Variants in LINGO2 observed in about 807,000 individuals in gnomAD.
LINGO2 encodes leucine-rich repeat and immunoglobulin-like domain-containing nogo receptor-interacting protein 2.
LINGO2 carries 14 observed loss-of-function variants against 30.6 expected under a neutral mutation model. The ratio of observed to expected loss-of-function variants is 0.46; its 90% CI spans 0.30 to 0.72. The LOEUF (loss-of-function observed/expected upper bound fraction) is 0.72. LINGO2 is among the 30% of genes least tolerant of loss of function. The pLI is 0.07. For synonymous variants in LINGO2, 317 were observed against 288.5 expected, an observed-to-expected ratio of 1.10 and a Z score of -1.00; for missense variants, 729 against 751.7, an observed-to-expected ratio of 0.97 and a Z score of 0.35.
the LINGO2 span, among the ~76,000 whole-genome samples, chr9:28,894,074 C>T: frequency 6.6e-6 from 1 of 152,128 alleles, no homozygotes; most frequent in Non-Finnish European, 1.5e-5. Flanking sequence ...CTACAAAGGA[C>T]ATGAACTCAT....
At chr9:28,627,524 G>A (rs980052489) in intron 1 of LINGO2, among the ~76,000 whole-genome samples, 2 of 151,972 alleles carry the variant, frequency 1.3e-5, no homozygotes, top group African/African-American at 2.4e-5. Context: ...TATGGAAAAT[G>A]CCTCCAGACA....
chr9:28,984,326 A>G, the LINGO2 span, among the ~76,000 whole-genome samples: 1 of 152,108 alleles, frequency 6.6e-6, no homozygotes, highest in Non-Finnish European at 1.5e-5. Flanking sequence ...CCATAGTGGC[A>G]TAAACTTCTA....
chr9:28,236,577 C>A (rs924179432), intron 4 of LINGO2, among the ~76,000 whole-genome samples: 2 of 152,092 alleles, frequency 1.3e-5, no homozygotes, highest in African/African-American at 4.8e-5. Flanking sequence ...CTGTCATTTG[C>A]AACAACATGG....
At chr9:28,770,394 G>C in the LINGO2 span, among the ~76,000 whole-genome samples, 2 of 152,178 alleles carry the variant, frequency 1.3e-5, no homozygotes, top group Non-Finnish European at 2.9e-5. Context: ...CTGCACAGAT[G>C]CTGAAACCGC....
At chr9:28,649,387 G>T (rs1827985431) in intron 1 of LINGO2, among the ~76,000 whole-genome samples, 1 of 151,970 alleles carries the variant, frequency 6.6e-6, no homozygotes, top group Non-Finnish European at 1.5e-5. Context: ...CTAAAATATA[G>T]ATACTAATTT....
At chr9:28,819,215 G>A in the LINGO2 span, among the ~76,000 whole-genome samples, 1 of 152,070 alleles carries the variant, frequency 6.6e-6, no homozygotes, top group Non-Finnish European at 1.5e-5. Context: ...GGATATACTT[G>A]TCAACCTCCT....
the LINGO2 span, among the ~76,000 whole-genome samples, chr9:29,144,137 T>G: frequency 6.6e-6 from 1 of 152,214 alleles, no homozygotes; most frequent in Admixed American, 6.5e-5. Context: ...GTGTTTGTTC[T>G]TTTACCAGTA....
intron 4 of LINGO2, among the ~76,000 whole-genome samples, chr9:28,121,798 G>T (rs1827103664): frequency 6.6e-6 from 1 of 152,142 alleles, no homozygotes; most frequent in South Asian, 2.1e-4. Flanking sequence ...CCAATTTCTT[G>T]TCATTACTCC....
the LINGO2 span, among the ~76,000 whole-genome samples, chr9:28,692,686 C>G: frequency 6.6e-6 from 1 of 152,190 alleles, no homozygotes; most frequent in Admixed American, 6.5e-5. Context: ...TCAAATCTTA[C>G]CTACTCAGTG....
At chr9:28,088,227 CACACACACACAT>C (rs1234816632) in intron 4 of LINGO2, among the ~76,000 whole-genome samples, 1 of 145,174 alleles carries the variant, frequency 6.9e-6, no homozygotes, top group Non-Finnish European at 1.5e-5. Flanking sequence ...CACACACACA[CACACACACACAT>C]ATAATGGTTT....
the LINGO2 span, among the ~76,000 whole-genome samples, chr9:28,884,767 T>A: frequency 5.6e-5 from 2 of 36,000 alleles, no homozygotes; most frequent in African/African-American, 1.6e-4. Context: ...ATATATAGTG[T>A]GTGTATATAT....
chr9:29,066,056 C>A, the LINGO2 span, among the ~76,000 whole-genome samples: 1 of 151,778 alleles, frequency 6.6e-6, no homozygotes, highest in Non-Finnish European at 1.5e-5. Flanking sequence ...CAGAATCTAT[C>A]CAGTAGAAGG....
chr9:29,037,335 T>A, the LINGO2 span, among the ~76,000 whole-genome samples: 1 of 151,932 alleles, frequency 6.6e-6, no homozygotes, highest in Non-Finnish European at 1.5e-5. Flanking sequence ...AAATTTTATA[T>A]GTTATGAATA....
chr9:28,617,691 C>G (rs924671382), intron 1 of LINGO2, among the ~76,000 whole-genome samples: 1 of 152,112 alleles, frequency 6.6e-6, no homozygotes, highest in Non-Finnish European at 1.5e-5. Flanking sequence ...TATTTTCACA[C>G]TGAAAGGACA....
intron 3 of LINGO2, among the ~76,000 whole-genome samples, chr9:28,350,516 T>TA (rs1173938855): frequency 2.1e-5 from 3 of 144,400 alleles, no homozygotes; most frequent in African/African-American, 7.7e-5. Flanking sequence ...CTGAGTGACC[T>TA]ACAAAGAGAC....
chr9:28,971,084 C>A, the LINGO2 span, among the ~76,000 whole-genome samples: 25,282 of 152,048 alleles, frequency 0.17, 2,191 homozygotes, highest in East Asian at 0.28. Flanking sequence ...TTATGAGAAC[C>A]CTGTTCCAGG....
the LINGO2 span, among the ~76,000 whole-genome samples, chr9:28,826,742 CT>C: frequency 6.6e-6 from 1 of 152,090 alleles, no homozygotes. Context: ...CTGATGTTCC[CT>C]TTTATTTTCT....
chr9:28,439,448 T>G (rs1448858035), intron 2 of LINGO2, among the ~76,000 whole-genome samples: 1 of 152,140 alleles, frequency 6.6e-6, no homozygotes. Context: ...GGTTTGGTTC[T>G]GTGTCCCCAC....
At chr9:28,370,657 C>A (rs1310910752) in intron 3 of LINGO2, among the ~76,000 whole-genome samples, 1 of 152,056 alleles carries the variant, frequency 6.6e-6, no homozygotes, top group Non-Finnish European at 1.5e-5. Context: ...AGGACATAAA[C>A]AATTTTAGCC....
Sources: allele counts gnomAD v4.1 joint callset (sites outside exome capture counted in the v4.1 genomes callset), GRCh38; gene constraint gnomAD v4.1.1; transcripts MANE v1.5; gene names NCBI Gene and HGNC (gene_info 2026-07-23, HGNC 2026-07-21).